LSAMP: variants seen among roughly 807,000 people sequenced by gnomAD.
LSAMP encodes limbic system-associated membrane protein.
In LSAMP, 7 loss-of-function variants were observed where a neutral mutation model predicts 38.6. The ratio of observed to expected loss-of-function variants is 0.18; its 90% confidence interval spans 0.10 to 0.34. LSAMP has a LOEUF of 0.34. LSAMP is among the 10% of genes least tolerant of loss of function. LSAMP has a pLI of 1.00. For synonymous variants in LSAMP, 154 were observed against 166.8 expected, an observed-to-expected ratio of 0.92 and a Z score of 0.59; for missense variants, 313 against 420.0, an observed-to-expected ratio of 0.75 and a Z score of 2.23.
intron 3 of LSAMP, among the ~76,000 whole-genome samples, chr3:115,990,586 C>T (rs1939638981): frequency 6.6e-6 from 1 of 151,976 alleles, no homozygotes; most frequent in East Asian, 1.9e-4. Flanking sequence ...TCAGGAATTC[C>T]AAATGTAGCT....
chr3:115,863,720 C>T (rs935777217), intron 3 of LSAMP, among the ~76,000 whole-genome samples: 3 of 151,750 alleles, frequency 2.0e-5, no homozygotes, highest in African/African-American at 7.3e-5. Context: ...GAATTTCTGA[C>T]ATAGATTATA....
intron 6 of LSAMP, among the ~76,000 whole-genome samples, chr3:115,822,616 T>C (rs1934282565): frequency 6.6e-6 from 1 of 152,190 alleles, no homozygotes; most frequent in Non-Finnish European, 1.5e-5. Flanking sequence ...CGCCTTGGCC[T>C]CCCAAAGAGC....
chr3:116,103,464 CAAAAAAAAAAAA>C (rs59732794), intron 1 of LSAMP, among the ~76,000 whole-genome samples: 1 of 42,830 alleles, frequency 2.3e-5, no homozygotes, highest in African/African-American at 7.1e-5. Flanking sequence ...GACTCCTTCT[CAAAAAAAAAAAA>C]AAAAAAAAAA....
chr3:115,914,286 G>C (rs1311526534), intron 3 of LSAMP, among the ~76,000 whole-genome samples: 1 of 152,162 alleles, frequency 6.6e-6, no homozygotes, highest in African/African-American at 2.4e-5. Context: ...TGCTAAGCCA[G>C]TTTAGAGGGA....
chr3:116,415,196 C>T (rs9817789), intron 1 of LSAMP, among the ~76,000 whole-genome samples: 4,845 of 146,708 alleles, frequency 0.033, 255 homozygotes, highest in African/African-American at 0.12. Flanking sequence ...TATCTTAGTC[C>T]AAATTTGTTT....
At chr3:116,014,897 A>T (rs2107680813) in intron 3 of LSAMP, among the ~76,000 whole-genome samples, 1 of 152,258 alleles carries the variant, frequency 6.6e-6, no homozygotes, top group South Asian at 2.1e-4. Flanking sequence ...GGTGAGTTAC[A>T]ATTAGAAGTA....
At chr3:116,069,203 G>A (rs376469986) in intron 2 of LSAMP, among the ~76,000 whole-genome samples, 126 of 152,244 alleles carry the variant, frequency 8.3e-4, no homozygotes, top group African/African-American at 3.0e-3. Context: ...TTTTCTATCT[G>A]CCCCTTCTTA....
chr3:116,206,277 A>C (rs1483176207), intron 1 of LSAMP, among the ~76,000 whole-genome samples: 4 of 148,302 alleles, frequency 2.7e-5, no homozygotes, highest in African/African-American at 9.9e-5. Flanking sequence ...TATTGTGTCT[A>C]TTTGATTCTT....
intron 3 of LSAMP, among the ~76,000 whole-genome samples, chr3:115,982,159 A>G (rs560225230): frequency 6.6e-6 from 1 of 152,342 alleles, no homozygotes; most frequent in South Asian, 2.1e-4. Context: ...GATAAAGTTG[A>G]GACAGCCTAA....
chr3:116,080,692 A>G (rs1707853076), intron 2 of LSAMP, among the ~76,000 whole-genome samples: 2 of 152,250 alleles, frequency 1.3e-5, no homozygotes, highest in African/African-American at 4.8e-5. Flanking sequence ...ATTAACAGCC[A>G]ATCAAGAGGC....
chr3:116,349,347 A>G (rs1311909014), intron 1 of LSAMP, among the ~76,000 whole-genome samples: 1 of 151,982 alleles, frequency 6.6e-6, no homozygotes, highest in African/African-American at 2.4e-5. Context: ...TCAAAATTTA[A>G]AAAATATATT....
intron 1 of LSAMP, among the ~76,000 whole-genome samples, chr3:116,301,663 T>C (rs1209847372): frequency 6.6e-6 from 1 of 152,142 alleles, no homozygotes; most frequent in East Asian, 1.9e-4. Flanking sequence ...CTGGGCCCCA[T>C]TTCTCATGCA....
intron 2 of LSAMP, among the ~76,000 whole-genome samples, chr3:116,063,210 T>A (rs1202428929): frequency 6.6e-6 from 1 of 152,156 alleles, no homozygotes; most frequent in African/African-American, 2.4e-5. Context: ...GGTGTCTTGA[T>A]CTTTGCATTT....
Position 116,331,162 on chromosome 3 carries a change from G to C in LSAMP, c.155+113715C>G, listed in dbSNP as rs140275012. Among the ~76,000 whole-genome samples, 73 of 152,172 alleles carry C rather than the reference G, an allele frequency of 4.8e-4. No homozygotes were observed. In the East Asian group the frequency reaches 0.012, roughly 25 times the overall value. On this transcript the variant is annotated intron_variant, in intron 1 of 6. Transcript: ENST00000490035. ...ACATAGGTGACCAGTTATAAAAGGAGAATCTCTGAAGTTGAAGATGGGAAA... is the reference window on the plus strand; with the variant it reads ...ACATAGGTGACCAGTTATAAAAGGACAATCTCTGAAGTTGAAGATGGGAAA...
chr3:116,257,454 A>G (rs2046766520), intron 1 of LSAMP, among the ~76,000 whole-genome samples: 2 of 152,176 alleles, frequency 1.3e-5, no homozygotes, highest in African/African-American at 4.8e-5. Context: ...GAGCAGTCAT[A>G]CAAGATTCAA....
chr3:116,403,942 A>C, intron 1 of LSAMP, among the ~76,000 whole-genome samples: 1 of 138,174 alleles, frequency 7.2e-6, no homozygotes, highest in South Asian at 2.2e-4. Context: ...TTTTTTTTTT[A>C]ACCTAGAGAC....
At chr3:115,911,440 C>T (rs1937132593) in intron 3 of LSAMP, among the ~76,000 whole-genome samples, 1 of 152,196 alleles carries the variant, frequency 6.6e-6, no homozygotes, top group African/African-American at 2.4e-5. Flanking sequence ...TCACTGCAGC[C>T]TCGACCTCCT....
At chr3:115,974,150 G>C (rs866583883) in intron 3 of LSAMP, among the ~76,000 whole-genome samples, 45 of 152,164 alleles carry the variant, frequency 3.0e-4, no homozygotes, top group African/African-American at 1.0e-3. Context: ...CTCCAGACCA[G>C]CCTGGCCAAC....
rs1279652054 is a variant in LSAMP, at chr3:115,809,235, CG to C, written c.*1081del. The C allele has an allele frequency of 1.3e-5, 2 of 152,174 alleles. No individual in the cohort carries two copies. The highest frequency in any genetic ancestry group is 2.4e-5 in the African/African-American group (1 of 41,434). 9.4% of individuals were successfully genotyped at this position (152,174 alleles called of 1,614,324 possible). A position where few individuals can be genotyped will look rare whatever the true frequency, so the allele number is the denominator to read the frequency against. On this transcript the variant is annotated 3_prime_UTR_variant, in exon 7 of 7. Transcript: ENST00000490035. ...TCCTTATGCTGTTTGCTTACCCCAT[CG>C]ATAGTAGGCACTTTCATTTACAGTG...
Sources: allele counts gnomAD v4.1 joint callset (sites outside exome capture counted in the v4.1 genomes callset), GRCh38; gene constraint gnomAD v4.1.1; transcripts MANE v1.5; gene names NCBI Gene and HGNC (gene_info 2026-07-23, HGNC 2026-07-21).